The following CFAP299 variants were observed in gnomAD, a reference collection of about 807,000 sequenced individuals.
The protein encoded by CFAP299 is cilia- and flagella-associated protein 299.
Under a neutral mutation model 27.0 loss-of-function variants are expected in CFAP299, and 21 were observed. The ratio of observed to expected loss-of-function variants is 0.78; its 90% CI spans 0.55 to 1.12. The LOEUF (loss-of-function observed/expected upper bound fraction) is 1.12. CFAP299 is among the 50% of genes most tolerant of loss of function. The pLI, the probability that CFAP299 is intolerant of heterozygous loss-of-function variation, is 0.00. For missense variants in CFAP299, 310 were observed against 276.6 expected (o/e 1.12, Z -0.86); for synonymous variants, 104 against 98.1 (o/e 1.06, Z -0.36).
At chr4:80,759,266 A>T (rs1261630547) in intron 3 of CFAP299, among the ~76,000 whole-genome samples, 1 of 152,150 alleles carries the variant, frequency 6.6e-6, no homozygotes, top group Non-Finnish European at 1.5e-5. Flanking sequence ...CCTGGTCTTC[A>T]AGGCAATCAT....
intron 4 of CFAP299, chr4:80,870,477 T>C: frequency 1.0e-6 from 1 of 999,698 alleles, no homozygotes. Flanking sequence ...TCATCTAACA[T>C]GTTTTCCTCC....
At chr4:80,691,827 A>T (rs1720721218) in intron 3 of CFAP299, among the ~76,000 whole-genome samples, 1 of 152,254 alleles carries the variant, frequency 6.6e-6, no homozygotes, top group South Asian at 2.1e-4. Flanking sequence ...CTTTAAGCTG[A>T]TAAGCAAATT....
chr4:80,859,356 C>T (rs561056209), intron 3 of CFAP299, among the ~76,000 whole-genome samples: 2 of 152,270 alleles, frequency 1.3e-5, no homozygotes, highest in East Asian at 3.9e-4. Context: ...GGTCTTGACT[C>T]TTTATCCAAT....
In CFAP299 at chr4:80,357,165, ACC is replaced by A. The variant is rs1256696036; in HGVS notation, c.112-5588_112-5587del. ...TTATTGATTTACATATGTTGAACCA[ACC>A]TTGCGTCCCAAGGATGAAGCCAACT... is the stretch of plus-strand genomic sequence containing the variant. On this transcript the variant is annotated intron_variant, in intron 1 of 5. Transcript: ENST00000358105. Among the ~76,000 whole-genome samples, 14 of 152,272 alleles carry A rather than the reference ACC, an allele frequency of 9.2e-5. No individual in the cohort carries two copies. The East Asian group carries it at 2.7e-3, about 29-fold the overall frequency.
At chr4:80,848,192 T>A (rs1040475284) in intron 3 of CFAP299, among the ~76,000 whole-genome samples, 2 of 150,990 alleles carry the variant, frequency 1.3e-5, no homozygotes, top group Non-Finnish European at 3.0e-5. Context: ...GTCTGGGCAA[T>A]AGAGTGAGAC....
chr4:80,580,304 C>G (rs1736098181), intron 2 of CFAP299, among the ~76,000 whole-genome samples: 1 of 151,912 alleles, frequency 6.6e-6, no homozygotes, highest in Admixed American at 6.6e-5. Flanking sequence ...GGTGGGAGTT[C>G]TAAGTAATTG....
At position 80,514,615 on chromosome 4, in the gene CFAP299, A is replaced by G. The variant is rs148185611; in HGVS notation, c.243-68478A>G. On this transcript the variant is annotated intron_variant, in intron 2 of 5. Coordinates refer to ENST00000358105, the MANE Select transcript of CFAP299 (RefSeq NM_152770.3). ...TTGATGCTGCATTTGTATGACATCAAAGACCAAAACTTCATAGCCTCTTTG... is the reference window on the plus strand; with the variant it reads ...TTGATGCTGCATTTGTATGACATCAGAGACCAAAACTTCATAGCCTCTTTG... Among the ~76,000 whole-genome samples, 147 of 152,208 alleles carry G rather than the reference A, an allele frequency of 9.7e-4. 1 individual carries two copies. The highest frequency in any genetic ancestry group is 3.4e-3 in the Middle Eastern group (1 of 294).
At chr4:80,934,016 G>GA (rs1736762921) in intron 4 of CFAP299, among the ~76,000 whole-genome samples, 1 of 152,054 alleles carries the variant, frequency 6.6e-6, no homozygotes, top group East Asian at 1.9e-4. Flanking sequence ...TAACCTTGGA[G>GA]AAAAAACTTT....
At chr4:80,529,521 G>A (rs776704655) in intron 2 of CFAP299, among the ~76,000 whole-genome samples, 7 of 152,120 alleles carry the variant, frequency 4.6e-5, no homozygotes, top group Admixed American at 3.3e-4. Flanking sequence ...GGTAAAGTTA[G>A]TTGGCTTTTT....
At chr4:80,531,506 AATT>A (rs1288544846) in intron 2 of CFAP299, among the ~76,000 whole-genome samples, 1 of 152,166 alleles carries the variant, frequency 6.6e-6, no homozygotes. Flanking sequence ...TTCAATTTGC[AATT>A]ATACTTCTAA....
At chr4:80,628,296 T>A (rs1739019868) in intron 3 of CFAP299, among the ~76,000 whole-genome samples, 3 of 151,934 alleles carry the variant, frequency 2.0e-5, no homozygotes, top group Non-Finnish European at 4.4e-5. Context: ...AAAAATAAAA[T>A]TAGAATCTTA....
At chr4:80,913,187 A>T (rs547083064) in intron 4 of CFAP299, among the ~76,000 whole-genome samples, 7 of 152,334 alleles carry the variant, frequency 4.6e-5, no homozygotes, top group Admixed American at 1.3e-4. Flanking sequence ...CCAGATAAAA[A>T]GAAAATAGTA....
chr4:80,820,912 A>G (rs1450132250), intron 3 of CFAP299, among the ~76,000 whole-genome samples: 1 of 152,198 alleles, frequency 6.6e-6, no homozygotes, highest in Non-Finnish European at 1.5e-5. Flanking sequence ...AACACAGATC[A>G]TTACTGAGAA....
chr4:80,442,254 A>G lies in CFAP299; in HGVS notation c.242+79370A>G, dbSNP rs931869031. 2.0e-5 allele frequency among the ~76,000 whole-genome samples: 3 copies of G among 152,292 alleles called. No individual in the cohort carries two copies. In the East Asian group the frequency reaches 5.8e-4, roughly 29 times the overall value. Reference sequence around the variant, plus strand: ...TATCCACCCCAAATCAACAGAATATACATTCTTAGCACCACATAGCACTTA... The same window carrying G: ...TATCCACCCCAAATCAACAGAATATGCATTCTTAGCACCACATAGCACTTA... On this transcript the variant is annotated intron_variant, in intron 2 of 5. Transcript: ENST00000358105.
intron 4 of CFAP299, among the ~76,000 whole-genome samples, chr4:80,898,228 G>A (rs1734707694): frequency 6.6e-6 from 1 of 152,070 alleles, no homozygotes; most frequent in Admixed American, 6.6e-5. Flanking sequence ...GTAAATGTGG[G>A]GGATTTTATT....
chr4:80,755,364 T>G (rs1725178525), intron 3 of CFAP299, among the ~76,000 whole-genome samples: 1 of 152,140 alleles, frequency 6.6e-6, no homozygotes, highest in South Asian at 2.1e-4. Flanking sequence ...ACATTAAAAT[T>G]TAGTGCTTCC....
chr4:80,550,419 A>G (rs558703664), intron 2 of CFAP299, among the ~76,000 whole-genome samples: 6 of 152,200 alleles, frequency 3.9e-5, no homozygotes, highest in Non-Finnish European at 7.4e-5. Context: ...CTATATTTAA[A>G]TACACCTTTA....
intron 3 of CFAP299, among the ~76,000 whole-genome samples, chr4:80,642,741 T>C (rs1739792603): frequency 6.6e-6 from 1 of 152,100 alleles, no homozygotes; most frequent in South Asian, 2.1e-4. Context: ...TCCAGCCTGG[T>C]GACAGAGCCA....
At chr4:80,646,992 T>A (rs1263017388) in intron 3 of CFAP299, among the ~76,000 whole-genome samples, 1 of 21,952 alleles carries the variant, frequency 4.6e-5, no homozygotes, top group South Asian at 2.1e-3. Context: ...AGAGAGAGTG[T>A]GTGTGTGTGT....
Sources: gnomAD v4.1 joint callset for allele counts (sites outside exome capture counted in the v4.1 genomes callset) on GRCh38, gnomAD v4.1.1 for gene constraint, MANE v1.5 for transcripts, NCBI Gene and HGNC (gene_info 2026-07-23, HGNC 2026-07-21) for gene names.